ZNF594: variants seen among roughly 807,000 people sequenced by gnomAD.
ZNF594 encodes zinc finger protein HZF18.
For synonymous variants in ZNF594, 336 were observed against 309.4 expected (o/e 1.09, Z -0.90); for missense variants, 1,037 against 964.6 (o/e 1.08, Z -0.99).
chr17:5,178,190 T>C (rs1176914294), downstream of ZNF594, among the ~76,000 whole-genome samples: 1 of 147,288 alleles, frequency 6.8e-6, no homozygotes, highest in Admixed American at 6.8e-5. Context: ...AAAAAAACCA[T>C]ATCATATGAA....
At position 5,183,679 on chromosome 17, in the gene ZNF594, T is replaced by C. The variant is rs746593720; in HGVS notation, c.578A>G (p.Asn193Ser). 2.5e-6 allele frequency: 4 copies of C among 1,613,838 alleles called. No homozygotes were observed. Among genetic ancestry groups the C allele is most frequent in the South Asian group, 2.2e-5 (2 of 90,928 alleles). The change falls in exon 2 of 2, where the codon AAT (asparagine) becomes AGT (serine). Residue 193 changes from asparagine to serine, a missense_variant. Asn to Ser is a conservative substitution (Grantham distance 46). Coordinates refer to ENST00000575779, the MANE Select transcript of ZNF594 (RefSeq NM_032530.2). ...YICHECGKDF[N>S]QSSNLVRHKQ... Reference sequence around the variant, plus strand: ...ATGTCTCACCAGATTGGAGCTCTGATTGAAGTCTTTTCCACATTCATGACA... The same window carrying C: ...ATGTCTCACCAGATTGGAGCTCTGACTGAAGTCTTTTCCACATTCATGACA...
chr17:5,177,692 C>A (rs553850349), downstream of ZNF594, among the ~76,000 whole-genome samples: 1 of 152,154 alleles, frequency 6.6e-6, no homozygotes, highest in African/African-American at 2.4e-5. Context: ...CAAAAATTAG[C>A]CGGGGTGGTG....
Position 5,184,066 on chromosome 17 carries a change from C to T in ZNF594, c.191G>A (p.Ser64Asn). 1 of 1,614,202 alleles carries T rather than the reference C, an allele frequency of 6.2e-7. No homozygotes were observed. The highest frequency in any genetic ancestry group is 1.1e-5 in the South Asian group (1 of 91,078). ...DAMRHLPSQE[S>N]GIREMHIIPQ... ...GATAATATGCATTTCCCTGATACCG[C>T]TCTCTTGGGAAGGGAGATGTCTCAT... The change falls in exon 2 of 2, where the codon AGC (serine) becomes AAC (asparagine). Residue 64 changes from serine to asparagine, a missense_variant. By Grantham distance (46) the Ser-to-Asn change is conservative (BLOSUM62 1). Coordinates refer to ENST00000575779, the MANE Select transcript of ZNF594 (RefSeq NM_032530.2).
At chr17:5,188,282 T>C (rs1468451591) in intron 1 of ZNF594, among the ~76,000 whole-genome samples, 51 of 112,750 alleles carry the variant, frequency 4.5e-4, no homozygotes, top group Admixed American at 1.8e-3. Context: ...TTTTTTTTTT[T>C]CACAAAAAAC....
chr17:5,178,982 G>A (rs914464184), downstream of ZNF594, among the ~76,000 whole-genome samples: 5 of 151,984 alleles, frequency 3.3e-5, no homozygotes, highest in East Asian at 1.9e-4. Flanking sequence ...AGACAAAGAC[G>A]CAAAGGCCAA....
chr17:5,188,589 C>T (rs1484827718), intron 1 of ZNF594, among the ~76,000 whole-genome samples: 2 of 152,088 alleles, frequency 1.3e-5, no homozygotes, highest in Non-Finnish European at 2.9e-5. Context: ...GCAACAGAAA[C>T]ATACATCCAT....
Position 5,183,291 on chromosome 17 carries a change from G to C in ZNF594, c.966C>G (p.Pro322=). ...TCTTCCCACATCTGTGACATTCATA[G>C]GGTTTCTCTCCACTGTGGAGTCTCT... ...EHQRLHSGEK[P]YECHRCGKTF... Residue 322 remains proline, a synonymous_variant, in exon 2 of 2, where the codon CCC becomes CCG. Coordinates refer to ENST00000575779, the MANE Select transcript of ZNF594 (RefSeq NM_032530.2). The C allele has an allele frequency of 6.2e-7, 1 of 1,614,088 alleles. No homozygotes were observed. The highest frequency in any genetic ancestry group is 1.3e-5 in the African/African-American group (1 of 75,038).
At chr17:5,189,566 A>C (rs1054741068) in intron 1 of ZNF594, among the ~76,000 whole-genome samples, 9 of 141,548 alleles carry the variant, frequency 6.4e-5, no homozygotes, top group African/African-American at 2.4e-4. Context: ...ACATGCTCTC[A>C]TTCTGTCACC....
chr17:5,176,038 C>T (rs936586989), downstream of ZNF594, among the ~76,000 whole-genome samples: 6 of 152,036 alleles, frequency 3.9e-5, no homozygotes, highest in South Asian at 2.1e-4. Flanking sequence ...CTTGCTACAC[C>T]GACGCTAAAA....
In ZNF594 at chr17:5,182,654, G is replaced by T. The variant is rs748254513; in HGVS notation, c.1603C>A (p.Gln535Lys). Residue 535 changes from glutamine to lysine, a missense_variant, in exon 2 of 2, where the codon CAG becomes AAG. Gln to Lys is a moderately conservative substitution (Grantham distance 53). Transcript: ENST00000575779. ...FIWRTAFLKH[Q>K]SLHTGEKLEC... Reference sequence around the variant, plus strand: ...AGTTTCTCTCCAGTATGCAGGCTCTGATGTTTGAGGAAAGCTGTGCGCCAA... The same window carrying T: ...AGTTTCTCTCCAGTATGCAGGCTCTTATGTTTGAGGAAAGCTGTGCGCCAA... 1.2e-6 allele frequency: 2 copies of T among 1,613,882 alleles called. No individual in the cohort carries two copies. The highest frequency in any genetic ancestry group is 1.7e-6 in the Non-Finnish European group (2 of 1,179,914).
intron 1 of ZNF594, among the ~76,000 whole-genome samples, chr17:5,188,907 C>T (rs2144262326): frequency 6.6e-6 from 1 of 151,870 alleles, no homozygotes; most frequent in African/African-American, 2.4e-5. Flanking sequence ...ACCAGTACGC[C>T]CAGCTAATTT....
At chr17:5,177,365 C>T (rs1375773002), downstream of ZNF594, among the ~76,000 whole-genome samples, 3 of 152,112 alleles carry the variant, frequency 2.0e-5, no homozygotes, top group African/African-American at 7.2e-5. Flanking sequence ...CGGTGAAATA[C>T]TTAGGACTAC....
chr17:5,188,679 C>A (rs2074402184), intron 1 of ZNF594, among the ~76,000 whole-genome samples: 1 of 151,436 alleles, frequency 6.6e-6, no homozygotes, highest in Non-Finnish European at 1.5e-5. Context: ...CAAAATAACT[C>A]TTTAAATAAA....
In ZNF594 at chr17:5,181,878, T is replaced by A. The variant is rs376023842; in HGVS notation, c.2379A>T (p.Glu793Asp). Residue 793 changes from glutamate to aspartate, a missense_variant, in exon 2 of 2, where the codon GAA becomes GAT. Transcript: ENST00000575779. Reference protein sequence around the residue: ...HTREKPYECKECGKTQSELRP... With the variant: ...HTREKPYECKDCGKTQSELRP... ...TGAGCTCTGATTGAGTTTTCCCACA[T>A]TCTTTACATTCATATGGTTTCTCTC... is the stretch of plus-strand genomic sequence containing the variant. The A allele has an allele frequency of 2.2e-5, 35 of 1,613,914 alleles. No homozygotes were observed. The highest frequency in any genetic ancestry group is 1.7e-5 in the Admixed American group (1 of 60,006).
At chr17:5,176,562 A>T (rs1458552655), downstream of ZNF594, among the ~76,000 whole-genome samples, 2 of 150,282 alleles carry the variant, frequency 1.3e-5, no homozygotes, top group Admixed American at 6.6e-5. Context: ...TTTTTTTTTT[A>T]AATAGAGACA....
chr17:5,174,639 G>A (rs747390954), downstream of ZNF594: 148 of 196,464 alleles, frequency 7.5e-4, no homozygotes, highest in African/African-American at 3.0e-3. Flanking sequence ...ATTAAAAAGT[G>A]GAAGATTTTA....
chr17:5,188,389 A>G (rs1209583253), intron 1 of ZNF594, among the ~76,000 whole-genome samples: 1 of 151,996 alleles, frequency 6.6e-6, no homozygotes, highest in African/African-American at 2.4e-5. Flanking sequence ...CGTTTGTGGC[A>G]GCAAATCTGT....
rs753117346 is a variant in ZNF594 at position 5,181,185 on chromosome 17, A to G, written c.*648T>C. On this transcript the variant is annotated 3_prime_UTR_variant, in exon 2 of 2. Coordinates refer to ENST00000575779, the MANE Select transcript of ZNF594 (RefSeq NM_032530.2). ...AGTATGAACACGATGGTGTCTAATA[A>G]GATCTGAGCTGCCCCTAAAAGATTT... 24 of 1,610,862 alleles carry G rather than the reference A, an allele frequency of 1.5e-5. No individual in the cohort carries two copies. The highest frequency in any genetic ancestry group is 1.6e-4 in the Middle Eastern group (1 of 6,082).
chr17:5,179,365 C>G (rs984194513), downstream of ZNF594, among the ~76,000 whole-genome samples: 1 of 150,798 alleles, frequency 6.6e-6, no homozygotes, highest in African/African-American at 2.4e-5. Context: ...GGCTGGGTCT[C>G]TGGAGCTGCA....
Sources: allele counts gnomAD v4.1 joint callset (sites outside exome capture counted in the v4.1 genomes callset), GRCh38; gene constraint gnomAD v4.1.1; transcripts MANE v1.5; gene names NCBI Gene and HGNC (gene_info 2026-07-23, HGNC 2026-07-21).